The following ADAMTS7 variants were observed in gnomAD, a reference collection of about 807,000 sequenced individuals.
ADAMTS7 encodes the protein A disintegrin and metalloproteinase with thrombospondin motifs 7.
A neutral mutation model predicts 172.6 loss-of-function variants in ADAMTS7; 89 were observed. That is an observed-to-expected ratio of 0.52 (90% confidence interval 0.43 to 0.61). The LOEUF (loss-of-function observed/expected upper bound fraction) is 0.61. Among genes scored for constraint, ADAMTS7 ranks in the 20% least tolerant of loss-of-function variants. ADAMTS7 has a pLI of 0.00. For synonymous variants in ADAMTS7, 885 were observed against 978.4 expected, an observed-to-expected ratio of 0.90 and a Z score of 1.78; for missense variants, 1,973 against 2,355.6, an observed-to-expected ratio of 0.84 and a Z score of 3.36.
chr15:78,790,268 A>G (rs1214843544), intron 6 of ADAMTS7, among the ~76,000 whole-genome samples: 1 of 152,176 alleles, frequency 6.6e-6, no homozygotes, highest in Non-Finnish European at 1.5e-5. Flanking sequence ...GTGAACCCAC[A>G]ATGATGAAAC....
intron 18 of ADAMTS7, 127 bp from the exon 19 acceptor site, chr15:78,767,178 G>A (rs2055170373): frequency 7.6e-6 from 9 of 1,191,796 alleles, no homozygotes; most frequent in African/African-American, 1.5e-5. Context: ...AGCCCTCTCT[G>A]GCCCTTCCCA....
In ADAMTS7 at chr15:78,766,591, G is replaced by A. The variant is rs746785754; in HGVS notation, c.3320C>T (p.Thr1107Met). The A allele has an allele frequency of 2.6e-5, 42 of 1,602,030 alleles. 1 individual carries two copies. The South Asian group carries it at 3.3e-4, about 13-fold the overall frequency. Residue 1107 changes from threonine to methionine, a missense_variant, in exon 19 of 24, where the codon ACG becomes ATG. Coordinates refer to ENST00000388820, the MANE Select transcript of ADAMTS7 (RefSeq NM_014272.5). ...CTCTGTGGCAGGCACGGGGCTACCC[G>A]TGGAGGGCGCAGCAGGATGGCTGTG... ...PPHSHPAAPS[T>M]GSPVPATEPP... is the part of the protein sequence containing the mutation.
intron 13 of ADAMTS7, among the ~76,000 whole-genome samples, chr15:78,773,571 C>T (rs1037372682): frequency 2.0e-5 from 3 of 152,010 alleles, no homozygotes; most frequent in Non-Finnish European, 4.4e-5. Context: ...GGGGTTGGCA[C>T]CTCCCTCCTG....
rs1170541495 is a variant in ADAMTS7, at chr15:78,759,488, C to G, written c.4994G>C (p.Cys1665Ser). Residue 1665 changes from cysteine to serine, a missense_variant, in exon 24 of 24, where the codon TGC becomes TCC. This residue lies in a region of ADAMTS7 where 94 missense variants were observed against 95.4 expected (regional missense o/e 0.99). Transcript: ENST00000388820. ...GTGGCTGGGCGGAGAGCACGAGCGG[C>G]AGCACTGGGTGCGGATGGTGGGCAG... ...CQLPTIRTQC[C>S]RSCSPPSHGA... The G allele has an allele frequency of 6.3e-7, 1 of 1,597,420 alleles. No homozygotes were observed. Among genetic ancestry groups the G allele is most frequent in the East Asian group, 2.2e-5 (1 of 44,658 alleles).
intron 8 of ADAMTS7, among the ~76,000 whole-genome samples, chr15:78,783,965 A>G (rs2055467291): frequency 6.6e-6 from 1 of 152,192 alleles, no homozygotes; most frequent in Admixed American, 6.5e-5. Flanking sequence ...GAGACACTCA[A>G]TGTATATTTA....
chr15:78,762,577 G>T lies in ADAMTS7; in HGVS notation c.4741-12C>A, dbSNP rs11853054. 7 of 1,449,764 alleles carry T rather than the reference G, an allele frequency of 4.8e-6. No individual in the cohort carries two copies. In the African/African-American group the frequency reaches 8.7e-5, roughly 18 times the overall value. The allele number at this position is 1,449,764 out of a possible 1,614,324, so 89.8% of individuals were successfully genotyped here. ...CAGGGGCCTGAGCACTGAGGGGAGC[G>T]GGGGAGGAATGAGTGTCTCCAGGGC... On this transcript the variant is annotated splice_polypyrimidine_tract_variant and intron_variant, in intron 22 of 23. Transcript: ENST00000388820.
intron 8 of ADAMTS7, among the ~76,000 whole-genome samples, chr15:78,781,723 A>ATTT (rs1322047028): frequency 6.6e-6 from 1 of 151,704 alleles, no homozygotes; most frequent in Non-Finnish European, 1.5e-5. Flanking sequence ...TACTATTCTG[A>ATTT]TTTTCTGAAG....
chr15:78,786,336 A>C (rs1176095389), intron 8 of ADAMTS7, among the ~76,000 whole-genome samples: 1 of 152,110 alleles, frequency 6.6e-6, no homozygotes, highest in South Asian at 2.1e-4. Context: ...TTTGCATCTC[A>C]CATTTACTTT....
chr15:78,762,899 A>C (rs1332178498), intron 22 of ADAMTS7, among the ~76,000 whole-genome samples: 1 of 152,222 alleles, frequency 6.6e-6, no homozygotes, highest in Admixed American at 6.5e-5. Context: ...CTGATGCAGC[A>C]GTGGGCAGAG....
In ADAMTS7 at chr15:78,774,216, C is replaced by G; in HGVS notation, c.1961G>C (p.Cys654Ser). 1 of 1,589,450 alleles carries G rather than the reference C, an allele frequency of 6.3e-7. No individual in the cohort carries two copies. The highest frequency in any genetic ancestry group is 2.2e-5 in the East Asian group (1 of 44,536). ...LRDAVVDGTP[C>S]YQVRASRDLC... Reference sequence around the variant, plus strand: ...GTCCCGGCTGGCTCGGACCTGGTAGCAGGGGGTGCCATCGACCACGGCGTC... The same window carrying G: ...GTCCCGGCTGGCTCGGACCTGGTAGGAGGGGGTGCCATCGACCACGGCGTC... The change falls in exon 13 of 24, where the codon TGC (cysteine) becomes TCC (serine). Residue 654 changes from cysteine to serine, a missense_variant. Physicochemically the swap from Cys to Ser is moderately radical, Grantham distance 112 (BLOSUM62 -1). Around this residue, in one of 8 missense-constraint regions of ADAMTS7, gnomAD observed 526 missense variants for 662.9 expected, o/e 0.79. Transcript: ENST00000388820.
chr15:78,772,624 C>G (rs1266482874), intron 14 of ADAMTS7, among the ~76,000 whole-genome samples: 3 of 152,272 alleles, frequency 2.0e-5, no homozygotes, highest in Non-Finnish European at 4.4e-5. Context: ...CCTCAGTGCT[C>G]CCACAGCCCT....
chr15:78,791,021 G>T, intron 5 of ADAMTS7, 119 bp downstream of exon 5: 1 of 1,326,268 alleles, frequency 7.5e-7, no homozygotes, highest in Non-Finnish European at 1.1e-6. Flanking sequence ...AGGGGACACG[G>T]TCCAGGCCAA....
rs112485933 is a variant in ADAMTS7, at chr15:78,791,020, G to A, written c.903+120C>T. ...GGAACCAGGGGGTGGCAGGGGACACGGTCCAGGCCAAGGCGGCCTTCACTG... is the reference window on the plus strand; with the variant it reads ...GGAACCAGGGGGTGGCAGGGGACACAGTCCAGGCCAAGGCGGCCTTCACTG... On this transcript the variant is annotated intron_variant, in intron 5 of 23. Coordinates refer to ENST00000388820, the MANE Select transcript of ADAMTS7 (RefSeq NM_014272.5). 1.5e-4 allele frequency: 190 copies of A among 1,303,720 alleles called. 1 individual carries two copies. In the African/African-American group the frequency reaches 2.0e-3, roughly 13 times the overall value. The allele number at this position is 1,303,720 out of a possible 1,614,324, so 80.8% of individuals were successfully genotyped here.
chr15:78,779,370 C>G (rs183572015), intron 8 of ADAMTS7, among the ~76,000 whole-genome samples: 2 of 152,270 alleles, frequency 1.3e-5, no homozygotes, highest in Non-Finnish European at 2.9e-5. Flanking sequence ...AGGTCACTGG[C>G]CCCGGGTCGC....
chr15:78,772,704 T>G (rs1307087217), intron 14 of ADAMTS7, among the ~76,000 whole-genome samples: 1 of 152,256 alleles, frequency 6.6e-6, no homozygotes. Context: ...GCGCTTCACC[T>G]GCATGTCCCC....
chr15:78,766,314 G>A lies in ADAMTS7; in HGVS notation c.3597C>T (p.Gly1199=), dbSNP rs780583628. 6.2e-7 allele frequency: 1 copy of A among 1,611,350 alleles called. No individual in the cohort carries two copies. The highest frequency in any genetic ancestry group is 2.2e-5 in the East Asian group (1 of 44,874). The change falls in exon 19 of 24, where the codon GGC becomes GGT. Residue 1199 remains glycine, a synonymous_variant. Coordinates refer to ENST00000388820, the MANE Select transcript of ADAMTS7 (RefSeq NM_014272.5). The part of the protein sequence containing the change: ...TPESQNDFPV[G]KDSQSQLPPP... ...GGGGCAGCTGGCTCTGGCTGTCCTT[G>A]CCAACTGGGAAATCATTTTGGCTCT...
chr15:78,802,048 G>A (rs1033412218), intron 1 of ADAMTS7, among the ~76,000 whole-genome samples: 1 of 151,320 alleles, frequency 6.6e-6, no homozygotes, highest in Non-Finnish European at 1.5e-5. Context: ...TGTTGCCCAG[G>A]CTGGTCTCGA....
At chr15:78,808,416 A>C (rs566304802) in intron 1 of ADAMTS7, among the ~76,000 whole-genome samples, 2 of 151,798 alleles carry the variant, frequency 1.3e-5, no homozygotes, top group Non-Finnish European at 2.9e-5. Context: ...TTTGTATTTT[A>C]ATAGAGATGG....
In ADAMTS7 at chr15:78,763,787, C is replaced by G. The variant is rs191049501; in HGVS notation, c.4652G>C (p.Gly1551Ala). Residue 1551 changes from glycine (G) to alanine (A), a missense_variant, in exon 22 of 24, where the codon GGC (glycine) becomes GCC (alanine). Gly to Ala is a moderately conservative substitution (Grantham distance 60, BLOSUM62 0). Around this residue, in one of 8 missense-constraint regions of ADAMTS7, gnomAD observed 218 missense variants for 216.9 expected, o/e 1.01. Coordinates refer to ENST00000388820, the MANE Select transcript of ADAMTS7 (RefSeq NM_014272.5). The stretch of plus-strand genomic sequence containing the variant: ...GGGTCTCAGCGCCTCCTCGCAGAGG[C>G]CTGGCTCCGGGCAGGTCACTAGACG... ...QQRLVTCPEP[G>A]LCEEALRPNT... The G allele has an allele frequency of 2.6e-5, 41 of 1,591,096 alleles. No individual in the cohort carries two copies. The highest frequency in any genetic ancestry group is 3.4e-5 in the Non-Finnish European group (40 of 1,171,358).
Sources: allele counts gnomAD v4.1 joint callset (sites outside exome capture counted in the v4.1 genomes callset), GRCh38; gene constraint gnomAD v4.1.1; regional missense constraint gnomAD v4.1.1; transcripts MANE v1.5; gene names NCBI Gene and HGNC (gene_info 2026-07-23, HGNC 2026-07-21).